ZBED6: variants seen among roughly 807,000 people sequenced by gnomAD.
The protein encoded by ZBED6 is zinc finger BED domain-containing protein 6.
A neutral mutation model predicts 58.4 loss-of-function variants in ZBED6; 40 were observed. That is an observed-to-expected ratio of 0.68 (90% CI 0.53 to 0.89). The LOEUF (loss-of-function observed/expected upper bound fraction) is 0.89. Among genes scored for constraint, ZBED6 ranks in the 40% least tolerant of loss-of-function variants. The pLI is 0.00. For missense variants in ZBED6, 1,057 were observed against 1,003.9 expected (o/e 1.05, Z -0.71); for synonymous variants, 439 against 350.6 (o/e 1.25, Z -2.82).
At chr1:203,814,630 C>G (rs1675641466) in intron 1 of ZBED6, among the ~76,000 whole-genome samples, 1 of 152,186 alleles carries the variant, frequency 6.6e-6, no homozygotes, top group South Asian at 2.1e-4. Context: ...CGTTCATATG[C>G]TTTAGCAGCA....
At chr1:203,797,765 T>A in exon 1 of ZBED6, 1 of 1,535,670 alleles carries the variant, frequency 6.5e-7, no homozygotes, top group Non-Finnish European at 8.7e-7. Flanking sequence ...AATTGATTCT[T>A]GCCAAAAAGT....
chr1:203,817,198 T>G (rs1676638304), intron 2 of ZBED6, 74 bp downstream of exon 2: 2 of 1,285,150 alleles, frequency 1.6e-6, no homozygotes, highest in African/African-American at 3.1e-5. Context: ...TTCCCAACAT[T>G]TTAAGTTGTT....
exon 1 of ZBED6, chr1:203,800,238 C>T (rs771674021): frequency 7.9e-7 from 1 of 1,262,954 alleles, no homozygotes; most frequent in East Asian, 2.5e-5. Context: ...CATCCAGTAT[C>T]TAAGTTGCCC....
chr1:203,799,393 A>G (rs1264637056), exon 1 of ZBED6: 2 of 703,240 alleles, frequency 2.8e-6, no homozygotes, highest in Non-Finnish European at 5.2e-6. Flanking sequence ...AAGGCCCGTC[A>G]GATACTGCAA....
At chr1:203,831,397 A>G (rs1242611899) in intron 7 of ZBED6, among the ~76,000 whole-genome samples, 1 of 152,132 alleles carries the variant, frequency 6.6e-6, no homozygotes, top group African/African-American at 2.4e-5. Flanking sequence ...TTATTGGTAA[A>G]TATTAGCCTT....
intron 1 of ZBED6, chr1:203,806,071 C>T (rs576460011): frequency 2.2e-5 from 11 of 510,448 alleles, no homozygotes; most frequent in Non-Finnish European, 3.1e-5. Context: ...TTTTAAAACT[C>T]GCAAGGCTTT....
intron 1 of ZBED6, among the ~76,000 whole-genome samples, chr1:203,813,082 A>T (rs1558104165): frequency 6.6e-6 from 1 of 152,090 alleles, no homozygotes. Flanking sequence ...CTTATCAGTT[A>T]TGTTTTGCAA....
In ZBED6 at chr1:203,840,420, G is replaced by A. The variant is rs373393210; in HGVS notation, c.*3741+46G>A. 46 of 1,569,416 alleles carry A rather than the reference G, an allele frequency of 2.9e-5. No individual in the cohort carries two copies. In the East Asian group the frequency reaches 3.6e-4, roughly 12 times the overall value. ...GATTCTGATTATTTTTTTCTTTGCT[G>A]TAAGAGCCTTTGCTTTTTCTCAGAT... On this transcript the variant is annotated intron_variant, in intron 11 of 16. Coordinates refer to ENST00000550078, the Ensembl canonical transcript of ZBED6.
rs543284239 is a variant in ZBED6, at chr1:203,831,696, C to T, written c.*3435C>T. ...AGGAGTTTCCAGTCTTTTACTCCAC[C>T]CTGAGCCCGTTCCAGGTCCTGAAAA... is the stretch of plus-strand genomic sequence containing the variant. On this transcript the variant is annotated 3_prime_UTR_variant, in exon 8 of 17. Coordinates refer to ENST00000550078, the Ensembl canonical transcript of ZBED6. 1.9e-6 allele frequency: 3 copies of T among 1,612,944 alleles called. No individual in the cohort carries two copies. In the African/African-American group the frequency reaches 4.0e-5, roughly 22 times the overall value.
At chr1:203,803,852 C>T (rs1671282961) in intron 1 of ZBED6, among the ~76,000 whole-genome samples, 1 of 152,086 alleles carries the variant, frequency 6.6e-6, no homozygotes, top group South Asian at 2.1e-4. Flanking sequence ...AGCAGTCTTC[C>T]TGCCTTGGCC....
chr1:203,826,706 C>G (rs1203346390), intron 3 of ZBED6, among the ~76,000 whole-genome samples: 3 of 151,908 alleles, frequency 2.0e-5, no homozygotes, highest in Non-Finnish European at 4.4e-5. Flanking sequence ...GTGTTTTTTC[C>G]TGGAATTTTA....
At chr1:203,821,656 T>G (rs1431156036) in intron 3 of ZBED6, among the ~76,000 whole-genome samples, 1 of 152,210 alleles carries the variant, frequency 6.6e-6, no homozygotes, top group Non-Finnish European at 1.5e-5. Context: ...AGATTTGGGC[T>G]GCTCCTAGAG....
intron 9 of ZBED6, among the ~76,000 whole-genome samples, chr1:203,836,789 A>C (rs764230484): frequency 5.3e-5 from 8 of 152,008 alleles, no homozygotes; most frequent in Non-Finnish European, 1.2e-4. Flanking sequence ...AAGCAGCTAG[A>C]ATTAGGAAAC....
At chr1:203,797,902 G>A (rs200163240) in exon 1 of ZBED6, 527 of 1,535,952 alleles carry the variant, frequency 3.4e-4, no homozygotes, top group Non-Finnish European at 4.2e-4. Flanking sequence ...TATCTACCTA[G>A]TACTAGAGCC....
chr1:203,850,948 A>G, intron 15 of ZBED6, 109 bp from the exon 16 acceptor site: 1 of 1,323,316 alleles, frequency 7.6e-7, no homozygotes. Flanking sequence ...TTAGATTCAC[A>G]GGCTTAAAGA....
At chr1:203,842,249 G>A (rs906337524) in intron 11 of ZBED6, among the ~76,000 whole-genome samples, 1 of 152,160 alleles carries the variant, frequency 6.6e-6, no homozygotes, top group Non-Finnish European at 1.5e-5. Context: ...AAGGCAGGCG[G>A]CTGGGAGGTG....
exon 1 of ZBED6, chr1:203,798,727 G>A: frequency 6.5e-7 from 1 of 1,536,154 alleles, no homozygotes; most frequent in Non-Finnish European, 8.7e-7. Flanking sequence ...ACAACATGTT[G>A]TGGAAATCCA....
intron 1 of ZBED6, 62 bp from the exon 2 acceptor site, chr1:203,816,864 T>C: frequency 4.1e-6 from 2 of 492,322 alleles, no homozygotes; most frequent in Non-Finnish European, 3.7e-6. Flanking sequence ...TCATTAGCCA[T>C]GGTGATTTGA....
exon 1 of ZBED6, chr1:203,799,190 T>A: frequency 8.4e-7 from 1 of 1,188,970 alleles, no homozygotes; most frequent in Non-Finnish European, 1.2e-6. Context: ...CAAATTTCCT[T>A]ATCCCTAGCT....
Sources: gnomAD v4.1 joint callset for allele counts (sites outside exome capture counted in the v4.1 genomes callset) on GRCh38, gnomAD v4.1.1 for gene constraint, MANE v1.5 for transcripts, NCBI Gene and HGNC (gene_info 2026-07-23, HGNC 2026-07-21) for gene names.